Variants in IGF2R observed in about 807,000 individuals in gnomAD.
IGF2R encodes insulin like growth factor 2 receptor.
IGF2R carries 91 observed loss-of-function variants against 270.6 expected under a neutral mutation model. That is an observed-to-expected ratio of 0.34 (90% CI 0.28 to 0.40). The LOEUF (loss-of-function observed/expected upper bound fraction) is 0.40. Among genes scored for constraint, IGF2R ranks in the 10% least tolerant of loss-of-function variants. The pLI is 1.00. For synonymous variants in IGF2R, 1,316 were observed against 1,258.9 expected (o/e 1.05, Z -0.96); for missense variants, 2,805 against 3,188.3 (o/e 0.88, Z 2.90).
intron 41 of IGF2R, among the ~76,000 whole-genome samples, chr6:160,087,599 G>T (rs190145057): frequency 2.6e-5 from 4 of 152,202 alleles, no homozygotes; most frequent in African/African-American, 9.6e-5. Context: ...CCTTTAGGGA[G>T]CCCAAAATTT....
Position 160,106,995 on chromosome 6 carries a change from T to TA in IGF2R, c.*1914dup, listed in dbSNP as rs1779635048. 6.6e-6 allele frequency: 1 copy of TA among 152,240 alleles called. No individual in the cohort carries two copies. The highest frequency in any genetic ancestry group is 2.1e-4 in the South Asian group (1 of 4,834). The allele number at this position is 152,240 out of a possible 1,614,324, so 9.4% of individuals were successfully genotyped here. On this transcript the variant is annotated 3_prime_UTR_variant, in exon 48 of 48. Transcript: ENST00000356956. The stretch of plus-strand genomic sequence containing the variant: ...GAAGCAGGAAGTTACTCCAGTGTTA[T>TA]AAACAAACTTCTTAGACTCAACATC...
chr6:160,080,494 A>G lies in IGF2R; in HGVS notation c.5833+219A>G, dbSNP rs555797014. On this transcript the variant is annotated intron_variant, in intron 39 of 47. Transcript: ENST00000356956. ...CAGACCGTGGTAGAGCTGCCGTGAG[A>G]TGCTGTGCTGGGTGGCTGGCTAGGC... Among the ~76,000 whole-genome samples the G allele has an allele frequency of 7.2e-5, 11 of 152,300 alleles. No individual in the cohort carries two copies. In the East Asian group the frequency reaches 1.9e-3, roughly 27 times the overall value.
In IGF2R at chr6:160,073,443, C is replaced by T. The variant is rs200330928; in HGVS notation, c.4921C>T (p.His1641Tyr). 233 of 1,614,286 alleles carry T rather than the reference C, an allele frequency of 1.4e-4. No individual in the cohort carries two copies. Among genetic ancestry groups the T allele is most frequent in the Non-Finnish European group, 1.9e-4 (220 of 1,180,052 alleles). ...GACATGCACTCTCTTCTTCTCCTGG[C>T]ACACGCCGCTGGCCTGCGAGCAAGC... ...KQTCTLFFSWHTPLACEQATE... is the reference protein window; with the variant it reads ...KQTCTLFFSWYTPLACEQATE... The change falls in exon 34 of 48, where the codon CAC becomes TAC. Residue 1641 changes from histidine to tyrosine, a missense_variant. By Grantham distance (83) the His-to-Tyr change is moderately conservative. Around this residue, in one of 2 missense-constraint regions of IGF2R, gnomAD observed 1,851 missense variants for 2,207.2 expected, o/e 0.84. Transcript: ENST00000356956.
chr6:160,053,270 G>C (rs1186471842), intron 19 of IGF2R, among the ~76,000 whole-genome samples: 5 of 152,118 alleles, frequency 3.3e-5, no homozygotes, highest in African/African-American at 1.2e-4. Context: ...GGGCCTGTTG[G>C]GGGCTGGGGG....
In IGF2R at chr6:160,073,839, A is replaced by G. The variant is rs754033506; in HGVS notation, c.5030A>G (p.Asp1677Gly). Residue 1677 changes from aspartate to glycine, a missense_variant, in exon 35 of 48, where the codon GAT becomes GGT. Asp to Gly is a moderately conservative substitution (Grantham distance 94, BLOSUM62 -1). Transcript: ENST00000356956. ...CGCACTGGTGGTTATGAGGCTTATG[A>G]TGAGAGTGAGGATGATGCCTCCGAT... ...IHRTGGYEAY[D>G]ESEDDASDTN... 5 of 1,613,896 alleles carry G rather than the reference A, an allele frequency of 3.1e-6. No individual in the cohort carries two copies. In the African/African-American group the frequency reaches 4.0e-5, roughly 13 times the overall value.
At position 160,088,201 on chromosome 6, in the gene IGF2R, A is replaced by T. The variant is rs201627166; in HGVS notation, c.6320+54A>T. ...CTGTGCAGTGAGCATACTGGAGGGA[A>T]TTCCTCCTTGGGGTTTTCATGGGCA... is the stretch of plus-strand genomic sequence containing the variant. On this transcript the variant is annotated intron_variant, in intron 42 of 47. Transcript: ENST00000356956. The T allele has an allele frequency of 2.1e-5, 24 of 1,155,644 alleles. 1 individual carries two copies. Among genetic ancestry groups the T allele is most frequent in the Middle Eastern group, 2.5e-4 (1 of 4,058 alleles). The allele number at this position is 1,155,644 out of a possible 1,614,324, so 71.6% of individuals were successfully genotyped here.
chr6:160,090,953 G>A (rs549662870), intron 44 of IGF2R, among the ~76,000 whole-genome samples: 2 of 147,936 alleles, frequency 1.4e-5, no homozygotes, highest in South Asian at 2.2e-4. Flanking sequence ...GCGCATCGCC[G>A]AGAAGGAGCG....
At chr6:160,098,294 C>T (rs1339317289) in intron 45 of IGF2R, among the ~76,000 whole-genome samples, 1 of 152,080 alleles carries the variant, frequency 6.6e-6, no homozygotes, top group Non-Finnish European at 1.5e-5. Flanking sequence ...GAAGATTCTC[C>T]AGGAAACCTC....
At chr6:160,021,424 C>T (rs970961757) in intron 4 of IGF2R, among the ~76,000 whole-genome samples, 2 of 122,386 alleles carry the variant, frequency 1.6e-5, no homozygotes. Flanking sequence ...AGGGGAACAT[C>T]ACACACCTGG....
At chr6:160,001,874 A>G (rs1453916408) in intron 2 of IGF2R, among the ~76,000 whole-genome samples, 2 of 152,180 alleles carry the variant, frequency 1.3e-5, no homozygotes, top group East Asian at 3.8e-4. Context: ...TACATTTTAT[A>G]TGCATTTGAC....
intron 44 of IGF2R, among the ~76,000 whole-genome samples, chr6:160,091,432 C>T (rs563733798): frequency 2.6e-5 from 4 of 152,280 alleles, no homozygotes; most frequent in East Asian, 1.9e-4. Context: ...ATCTCCACGA[C>T]GGCAGCACCT....
intron 19 of IGF2R, among the ~76,000 whole-genome samples, chr6:160,052,491 G>A (rs1778221537): frequency 6.6e-6 from 1 of 152,194 alleles, no homozygotes; most frequent in African/African-American, 2.4e-5. Context: ...TCAGTGTCAT[G>A]AAAATGGCCA....
chr6:160,055,110 C>G (rs1423764044), intron 19 of IGF2R, among the ~76,000 whole-genome samples: 1 of 152,114 alleles, frequency 6.6e-6, no homozygotes, highest in Non-Finnish European at 1.5e-5. Flanking sequence ...TACACACTCT[C>G]CTTGGGTTCA....
chr6:160,013,164 G>A (rs1228734716), intron 4 of IGF2R, among the ~76,000 whole-genome samples: 1 of 151,998 alleles, frequency 6.6e-6, no homozygotes, highest in African/African-American at 2.4e-5. Context: ...ATTGACAGTT[G>A]TGTCTTCTAC....
chr6:160,081,361 A>G (rs1047140380), intron 39 of IGF2R, among the ~76,000 whole-genome samples: 10 of 152,010 alleles, frequency 6.6e-5, no homozygotes, highest in African/African-American at 1.9e-4. Context: ...TTTATTAGCA[A>G]TTTTCAAAGG....
intron 25 of IGF2R, 38 bp from the exon 26 acceptor site, chr6:160,062,494 A>T (rs1487028602): frequency 2.6e-6 from 4 of 1,524,568 alleles, no homozygotes; most frequent in Non-Finnish European, 3.6e-6. Context: ...TTTTTAAAAT[A>T]AACAGGAAAC....
intron 16 of IGF2R, among the ~76,000 whole-genome samples, 197 bp downstream of exon 16, chr6:160,047,533 G>A (rs1246176867): frequency 2.0e-5 from 3 of 152,136 alleles, no homozygotes; most frequent in Admixed American, 6.5e-5. Flanking sequence ...CAGCCCACAA[G>A]CCTGTCAGTT....
intron 4 of IGF2R, among the ~76,000 whole-genome samples, chr6:160,023,120 C>T (rs1047743010): frequency 1.3e-5 from 2 of 152,078 alleles, no homozygotes; most frequent in African/African-American, 2.4e-5. Context: ...GGTAGTAGGG[C>T]ACTGAAGCTG....
chr6:159,974,800 G>A (rs1468068550), intron 1 of IGF2R, among the ~76,000 whole-genome samples: 1 of 152,126 alleles, frequency 6.6e-6, no homozygotes, highest in African/African-American at 2.4e-5. Flanking sequence ...ATCCAATTGA[G>A]AACCACTGGC....
Sources: gnomAD v4.1 joint callset for allele counts (sites outside exome capture counted in the v4.1 genomes callset) on GRCh38, gnomAD v4.1.1 for gene constraint, gnomAD v4.1.1 regional missense constraint, MANE v1.5 for transcripts, NCBI Gene and HGNC (gene_info 2026-07-23, HGNC 2026-07-21) for gene names.